The following ARHGEF37 variants were observed in gnomAD, a reference collection of about 807,000 sequenced individuals.
ARHGEF37 encodes the protein Rho guanine nucleotide exchange factor 37.
In ARHGEF37, 55 loss-of-function variants were observed where a neutral mutation model predicts 71.1. That is an observed-to-expected ratio of 0.77 (90% CI 0.62 to 0.97). The LOEUF (loss-of-function observed/expected upper bound fraction) is 0.97. Ranked by LOEUF, ARHGEF37 falls within the 50% of genes least tolerant of loss-of-function variation. ARHGEF37 has a pLI of 0.00. For synonymous variants in ARHGEF37, 327 were observed against 350.6 expected, an observed-to-expected ratio of 0.93 and a Z score of 0.75; for missense variants, 765 against 836.8, an observed-to-expected ratio of 0.91 and a Z score of 1.06.
At chr5:149,587,591 C>G (rs895316380) in intron 1 of ARHGEF37, among the ~76,000 whole-genome samples, 3 of 152,182 alleles carry the variant, frequency 2.0e-5, no homozygotes, top group Non-Finnish European at 1.5e-5. Context: ...CTTCACCACA[C>G]CTCTCACAAT....
chr5:149,595,118 G>A (rs1188838246), intron 1 of ARHGEF37, among the ~76,000 whole-genome samples: 1 of 152,172 alleles, frequency 6.6e-6, no homozygotes, highest in Non-Finnish European at 1.5e-5. Flanking sequence ...GGGATGTTGT[G>A]TAACAATTGT....
At chr5:149,602,148 C>T (rs1763776548) in intron 3 of ARHGEF37, among the ~76,000 whole-genome samples, 1 of 151,914 alleles carries the variant, frequency 6.6e-6, no homozygotes, top group Non-Finnish European at 1.5e-5. Context: ...CCTCCGCCTC[C>T]TGGGTTCAAG....
intron 1 of ARHGEF37, among the ~76,000 whole-genome samples, chr5:149,564,450 C>G (rs1419391624): frequency 6.6e-6 from 1 of 152,122 alleles, no homozygotes; most frequent in Non-Finnish European, 1.5e-5. Flanking sequence ...TTTCATTTCT[C>G]CCGTTTATGC....
chr5:149,623,999 TGTCCCCACTTA>T lies in ARHGEF37; in HGVS notation c.1336-11_1336-1del. The stretch of plus-strand genomic sequence containing the variant: ...CTTGCCCAGCTCTGTTGACAGTGTC[TGTCCCCACTTA>T]GCTGCCCCACCACCACGTCCCAGAG... On this transcript the variant is annotated splice_acceptor_variant and splice_polypyrimidine_tract_variant and intron_variant, in intron 9 of 12. Coordinates refer to ENST00000333677, the MANE Select transcript of ARHGEF37 (RefSeq NM_001001669.3). LOFTEE classifies it high-confidence loss of function. 3 of 1,588,248 alleles carry T rather than the reference TGTCCCCACTTA, an allele frequency of 1.9e-6. No homozygotes were observed. The highest frequency in any genetic ancestry group is 2.6e-6 in the Non-Finnish European group (3 of 1,160,162).
chr5:149,597,602 G>C (rs1763584253), intron 1 of ARHGEF37, among the ~76,000 whole-genome samples, 157 bp from the exon 2 acceptor site: 1 of 152,142 alleles, frequency 6.6e-6, no homozygotes, highest in Non-Finnish European at 1.5e-5. Flanking sequence ...ATATTGTTCA[G>C]GTACTGCCTA....
chr5:149,619,785 C>T (rs1752482592), intron 7 of ARHGEF37, among the ~76,000 whole-genome samples: 1 of 152,078 alleles, frequency 6.6e-6, no homozygotes, highest in Non-Finnish European at 1.5e-5. Context: ...AAAACAAACG[C>T]ACTGCTGGGT....
intron 1 of ARHGEF37, among the ~76,000 whole-genome samples, chr5:149,589,393 TC>T (rs1360482988): frequency 6.6e-6 from 1 of 152,114 alleles, no homozygotes; most frequent in Non-Finnish European, 1.5e-5. Context: ...AGTGGCATGA[TC>T]ACTGTTCACT....
rs1752788345 is a variant in ARHGEF37 at position 149,628,889 on chromosome 5, G to A, written c.1741G>A (p.Gly581Arg). ...TGCAGAGGAGCTCAGAAGGCAGGCGGGGCTGAACAAAGACCCCCGATGTCT... is the reference window on the plus strand; with the variant it reads ...TGCAGAGGAGCTCAGAAGGCAGGCGAGGCTGAACAAAGACCCCCGATGTCT... ...PSAEELRRQA[G>R]LNKDPRCLTP... is the part of the protein sequence containing the mutation. Residue 581 changes from glycine (G) to arginine (R), a missense_variant, in exon 12 of 13, where the codon GGG becomes AGG. Coordinates refer to ENST00000333677, the MANE Select transcript of ARHGEF37 (RefSeq NM_001001669.3). The A allele has an allele frequency of 6.2e-7, 1 of 1,613,672 alleles. No homozygotes were observed. The highest frequency in any genetic ancestry group is 1.3e-5 in the African/African-American group (1 of 75,046).
In ARHGEF37 at chr5:149,558,725, GTGTGTGTGTGTGTATA is replaced by G. The variant is rs144813852; in HGVS notation, c.-12+6604_-12+6619del. Among the ~76,000 whole-genome samples the G allele has an allele frequency of 2.7e-3, 318 of 118,252 alleles. 4 individuals carry two copies. The East Asian group carries it at 0.033, about 12-fold the overall frequency. 77.6% of individuals were successfully genotyped at this position (118,252 alleles called of 152,430 possible). A position where few individuals can be genotyped will look rare whatever the true frequency, so the allele number is the denominator to read the frequency against. ...TGTGTGTGTGTGTGTGTGTGTGTGT[GTGTGTGTGTGTGTATA>G]TATATTTTTATATGTATAAAATATT... is the stretch of plus-strand genomic sequence containing the variant. On this transcript the variant is annotated intron_variant, in intron 1 of 2. Transcript: ENST00000505810.
intron 1 of ARHGEF37, among the ~76,000 whole-genome samples, chr5:149,574,905 G>A (rs969377438): frequency 2.0e-5 from 3 of 152,102 alleles, no homozygotes; most frequent in East Asian, 1.9e-4. Flanking sequence ...TCCCTTGGCC[G>A]AATACTACAA....
At chr5:149,577,041 C>T (rs10476911), upstream of ARHGEF37, among the ~76,000 whole-genome samples, 37,370 of 151,974 alleles carry the variant, frequency 0.25, 5,267 homozygotes, top group African/African-American at 0.38. Flanking sequence ...ACTTTTTACA[C>T]GGTTATAGAG....
intron 1 of ARHGEF37, among the ~76,000 whole-genome samples, chr5:149,561,547 G>A (rs1464924812): frequency 6.6e-6 from 1 of 152,178 alleles, no homozygotes; most frequent in African/African-American, 2.4e-5. Flanking sequence ...CAATGCCAGA[G>A]ATATGTCCTG....
intron 1 of ARHGEF37, among the ~76,000 whole-genome samples, chr5:149,557,676 A>C (rs1045063228): frequency 1.3e-5 from 2 of 152,156 alleles, no homozygotes; most frequent in African/African-American, 4.8e-5. Context: ...CCCATCCAGG[A>C]GGAGTTGCTT....
chr5:149,601,782 T>A (rs1193363290), intron 3 of ARHGEF37, among the ~76,000 whole-genome samples: 2 of 152,128 alleles, frequency 1.3e-5, no homozygotes, highest in Non-Finnish European at 2.9e-5. Flanking sequence ...CTTGAGAATA[T>A]CTGAAGGGAG....
upstream of ARHGEF37, among the ~76,000 whole-genome samples, chr5:149,581,075 T>C (rs954686422): frequency 6.6e-6 from 1 of 152,180 alleles, no homozygotes; most frequent in African/African-American, 2.4e-5. Context: ...CCAGGAGAGC[T>C]GGGGCAAGAA....
intron 1 of ARHGEF37, among the ~76,000 whole-genome samples, chr5:149,588,924 A>G (rs1763318291): frequency 6.6e-6 from 1 of 152,122 alleles, no homozygotes; most frequent in South Asian, 2.1e-4. Flanking sequence ...TTTTCCATTC[A>G]GTTCCTCCAA....
At chr5:149,569,808 C>T (rs1252738073) in intron 1 of ARHGEF37, among the ~76,000 whole-genome samples, 2 of 150,968 alleles carry the variant, frequency 1.3e-5, no homozygotes, top group African/African-American at 2.4e-5. Context: ...TTTAGTTGAG[C>T]GAGGGTTTCA....
At chr5:149,631,180 CT>C (rs746935448) in intron 12 of ARHGEF37, among the ~76,000 whole-genome samples, 11,589 of 126,786 alleles carry the variant, frequency 0.091, 458 homozygotes, top group South Asian at 0.12. Flanking sequence ...TTCTTTTTTT[CT>C]TTTTTTTTTT....
At chr5:149,579,766 G>A (rs1485119461), upstream of ARHGEF37, among the ~76,000 whole-genome samples, 3 of 151,780 alleles carry the variant, frequency 2.0e-5, no homozygotes, top group Non-Finnish European at 2.9e-5. Flanking sequence ...ATTTTTAGTA[G>A]AGACGGGGTT....
Sources: gnomAD v4.1 joint callset for allele counts (sites outside exome capture counted in the v4.1 genomes callset) on GRCh38, gnomAD v4.1.1 for gene constraint, MANE v1.5 for transcripts, NCBI Gene and HGNC (gene_info 2026-07-23, HGNC 2026-07-21) for gene names.